The following REELD1 variants were observed in gnomAD, a reference collection of about 807,000 sequenced individuals.
The protein encoded by REELD1 is reelin domain-containing protein 1.
A neutral mutation model predicts 6.3 loss-of-function variants in REELD1; 12 were observed. The ratio of observed to expected loss-of-function variants is 1.89; its 90% confidence interval spans 1.21 to 3.07. REELD1 has a LOEUF of 3.07. REELD1 is among the 30% of genes most tolerant of loss of function. The pLI, the probability that REELD1 is intolerant of heterozygous loss-of-function variation, is 0.00. For synonymous variants in REELD1, 57 were observed against 33.6 expected (o/e 1.70, Z -2.42); for missense variants, 163 against 86.8 (o/e 1.88, Z -3.49).
Position 146,230,907 on chromosome 4 carries a change from G to GA in REELD1, c.*401dup, listed in dbSNP as rs537211052. 2.4e-3 allele frequency: 372 copies of GA among 155,244 alleles called. 1 individual carries two copies. The highest frequency in any genetic ancestry group is 8.7e-3 in the African/African-American group (362 of 41,688). The allele number at this position is 155,244 out of a possible 1,614,324, so 9.6% of individuals were successfully genotyped here. A position where few individuals can be genotyped will look rare whatever the true frequency, so the allele number is the denominator to read the frequency against. On this transcript the variant is annotated 3_prime_UTR_variant, in exon 8 of 8. Transcript: ENST00000623665. ...GTCTCATCTCTTCTAACTCTTTGGG[G>GA]AAAAAAAGTAATGTTGGGTTGTGTC...
In REELD1 at chr4:146,222,495, T is replaced by C. The variant is rs932757122; in HGVS notation, c.347T>C (p.Val116Ala). 7.5e-6 allele frequency: 3 copies of C among 398,528 alleles called. No homozygotes were observed. The highest frequency in any genetic ancestry group is 6.2e-5 in the African/African-American group (3 of 48,640). The allele number at this position is 398,528 out of a possible 1,614,324, so 24.7% of individuals were successfully genotyped here. ...LMTCFQEADAVTHSDKSLKRN... is the reference protein window; with the variant it reads ...LMTCFQEADAATHSDKSLKRN... ...ACTTGTTTTCAAGAGGCTGATGCAG[T>C]CACCCACTCTGACAAGTCCCTGAAG... Residue 116 changes from valine (V) to alanine (A), a missense_variant, in exon 4 of 8, where the codon GTC becomes GCC. By Grantham distance (64) the Val-to-Ala change is moderately conservative. Coordinates refer to ENST00000623665, the MANE Select transcript of REELD1 (RefSeq NM_001354631.1).
At chr4:146,216,432 A>G (rs1040332983) in intron 2 of REELD1, among the ~76,000 whole-genome samples, 1 of 152,212 alleles carries the variant, frequency 6.6e-6, no homozygotes, top group African/African-American at 2.4e-5. Flanking sequence ...TAAATAATTG[A>G]TAGTTGGTAG....
Position 146,231,165 on chromosome 4 carries a change from A to G in REELD1, c.*652A>G, listed in dbSNP as rs2110929102. ...CTTGATTGAACACATCTTCAGGAAA[A>G]CATATACATGCAACACAAGGCCGTA... On this transcript the variant is annotated 3_prime_UTR_variant, in exon 8 of 8. Coordinates refer to ENST00000623665, the MANE Select transcript of REELD1 (RefSeq NM_001354631.1). Among the ~76,000 whole-genome samples, 1 of 152,276 alleles carries G rather than the reference A, an allele frequency of 6.6e-6. No individual in the cohort carries two copies. The highest frequency in any genetic ancestry group is 2.1e-4 in the South Asian group (1 of 4,830).
chr4:146,230,027 C>G lies in REELD1; in HGVS notation c.1095C>G (p.Asn365Lys). Residue 365 changes from asparagine (N) to lysine (K), a missense_variant, in exon 8 of 8, where the codon AAC (asparagine) becomes AAG (lysine). Coordinates refer to ENST00000623665, the MANE Select transcript of REELD1 (RefSeq NM_001354631.1). Reference protein sequence around the residue: ...TFTGNGVRASNPIPVLQTSGT... With the variant: ...TFTGNGVRASKPIPVLQTSGT... Reference sequence around the variant, plus strand: ...CAGGGAATGGGGTCAGGGCAAGCAACCCAATCCCTGTCCTCCAGACCTCTG... The same window carrying G: ...CAGGGAATGGGGTCAGGGCAAGCAAGCCAATCCCTGTCCTCCAGACCTCTG... The G allele has an allele frequency of 2.5e-6, 1 of 398,768 alleles. No individual in the cohort carries two copies. The highest frequency in any genetic ancestry group is 4.4e-6 in the Non-Finnish European group (1 of 226,140). The allele number at this position is 398,768 out of a possible 1,614,324, so 24.7% of individuals were successfully genotyped here. A position where few individuals can be genotyped will look rare whatever the true frequency, so the allele number is the denominator to read the frequency against.
At chr4:146,217,556 A>G (rs1730849273) in intron 3 of REELD1, among the ~76,000 whole-genome samples, 1 of 152,298 alleles carries the variant, frequency 6.6e-6, no homozygotes, top group South Asian at 2.1e-4. Context: ...GCTTAATCTT[A>G]AGAAGCAATT....
At chr4:146,226,005 ATGTG>A (rs1212194102) in intron 5 of REELD1, among the ~76,000 whole-genome samples, 1 of 152,130 alleles carries the variant, frequency 6.6e-6, no homozygotes, top group Admixed American at 6.5e-5. Flanking sequence ...GCGTGTGTGC[ATGTG>A]TGTGTGTATG....
At chr4:146,218,710 C>A (rs976579261) in intron 3 of REELD1, among the ~76,000 whole-genome samples, 5 of 152,152 alleles carry the variant, frequency 3.3e-5, no homozygotes, top group Admixed American at 2.0e-4. Flanking sequence ...CACACCGGGG[C>A]AAATGCAAGA....
chr4:146,220,227 C>T (rs973416435), intron 3 of REELD1, among the ~76,000 whole-genome samples: 6 of 152,230 alleles, frequency 3.9e-5, no homozygotes, highest in East Asian at 3.8e-4. Flanking sequence ...GGGTTACAGG[C>T]GTGAGCCACC....
intron 5 of REELD1, among the ~76,000 whole-genome samples, chr4:146,225,222 C>A (rs1347390829): frequency 6.6e-6 from 1 of 152,124 alleles, no homozygotes; most frequent in Non-Finnish European, 1.5e-5. Context: ...AACCACTAGC[C>A]AGCTAGAGGC....
chr4:146,224,701 G>C (rs939545061), intron 5 of REELD1, 93 bp downstream of exon 5: 3 of 663,674 alleles, frequency 4.5e-6, no homozygotes, highest in Admixed American at 2.1e-5. Context: ...CCAGTTTCCT[G>C]TTCCTGCAAA....
intron 7 of REELD1, 49 bp from the exon 8 acceptor site, chr4:146,229,856 T>TA: frequency 2.5e-6 from 1 of 398,462 alleles, no homozygotes; most frequent in Non-Finnish European, 4.4e-6. Context: ...AGTGGCAGCT[T>TA]AGGAGGAAGA....
intron 4 of REELD1, among the ~76,000 whole-genome samples, chr4:146,223,236 T>C (rs1274298506): frequency 1.3e-5 from 2 of 152,106 alleles, no homozygotes; most frequent in Non-Finnish European, 2.9e-5. Flanking sequence ...CCCTCCTAAA[T>C]ATGAAGGAGA....
In REELD1 at chr4:146,228,508, T is replaced by C. The variant is rs1388970000; in HGVS notation, c.894T>C (p.Leu298=). The C allele has an allele frequency of 2.8e-6, 2 of 702,036 alleles. No homozygotes were observed. The highest frequency in any genetic ancestry group is 5.2e-6 in the Non-Finnish European group (2 of 384,802). The allele number at this position is 702,036 out of a possible 1,614,324, so 43.5% of individuals were successfully genotyped here. A position where few individuals can be genotyped will look rare whatever the true frequency, so the allele number is the denominator to read the frequency against. The change falls in exon 6 of 8, where the codon CTT becomes CTC. Residue 298 remains leucine (L), a synonymous_variant. Coordinates refer to ENST00000623665, the MANE Select transcript of REELD1 (RefSeq NM_001354631.1). ...CCTCAGAGAGCTTTGCTTCCAGCCTTAGCACCCATCACAGGTAAGGGTGAT... is the reference window on the plus strand; with the variant it reads ...CCTCAGAGAGCTTTGCTTCCAGCCTCAGCACCCATCACAGGTAAGGGTGAT... ...RVSSESFASS[L]STHHRTQDDP...
intron 3 of REELD1, among the ~76,000 whole-genome samples, chr4:146,217,921 C>A (rs1025877602): frequency 1.3e-5 from 2 of 152,180 alleles, no homozygotes; most frequent in African/African-American, 4.8e-5. Context: ...TAAATATATA[C>A]AATTTGACAT....
rs1347432003 is a variant in REELD1, at chr4:146,230,712, T to C, written c.*199T>C. ...TCCTGAGCTTTGTTGTCTTAACATCTGTAATTGGGCTTCCTTCTTTCTTTT... is the reference window on the plus strand; with the variant it reads ...TCCTGAGCTTTGTTGTCTTAACATCCGTAATTGGGCTTCCTTCTTTCTTTT... On this transcript the variant is annotated 3_prime_UTR_variant, in exon 8 of 8. Coordinates refer to ENST00000623665, the MANE Select transcript of REELD1 (RefSeq NM_001354631.1). 2.6e-6 allele frequency: 1 copy of C among 382,792 alleles called. No homozygotes were observed. Among genetic ancestry groups the C allele is most frequent in the Non-Finnish European group, 4.6e-6 (1 of 216,256 alleles). 23.7% of individuals were successfully genotyped at this position (382,792 alleles called of 1,614,324 possible). A position where few individuals can be genotyped will look rare whatever the true frequency, so the allele number is the denominator to read the frequency against.
intron 4 of REELD1, 137 bp from the exon 5 acceptor site, chr4:146,224,308 C>G (rs754990560): frequency 2.8e-5 from 12 of 430,654 alleles, no homozygotes; most frequent in African/African-American, 6.1e-5. Flanking sequence ...TATAATCTCT[C>G]TCTCTCATTC....
Position 146,229,886 on chromosome 4 carries a change from T to C in REELD1, c.973-19T>C. The C allele has an allele frequency of 2.5e-6, 1 of 398,630 alleles. No individual in the cohort carries two copies. The highest frequency in any genetic ancestry group is 4.4e-6 in the Non-Finnish European group (1 of 226,082). The allele number at this position is 398,630 out of a possible 1,614,324, so 24.7% of individuals were successfully genotyped here. On this transcript the variant is annotated intron_variant, in intron 7 of 7. Coordinates refer to ENST00000623665, the MANE Select transcript of REELD1 (RefSeq NM_001354631.1). ...GGAAGACCAGTACCTTTGACTCTTT[T>C]TTCCCTTTGTTTTTCTAGGACAAGA...
chr4:146,218,574 A>T (rs1283563612), intron 3 of REELD1, among the ~76,000 whole-genome samples: 1 of 152,220 alleles, frequency 6.6e-6, no homozygotes, highest in Non-Finnish European at 1.5e-5. Flanking sequence ...AGTGTGAAAA[A>T]ACATGGGTGG....
intron 6 of REELD1, 127 bp downstream of exon 6, chr4:146,228,649 A>T: frequency 1.7e-6 from 1 of 599,456 alleles, no homozygotes; most frequent in Admixed American, 2.9e-5. Context: ...AAAACCCAGG[A>T]TGTAGCAGGG....
Sources: gnomAD v4.1 joint callset for allele counts (sites outside exome capture counted in the v4.1 genomes callset) on GRCh38, gnomAD v4.1.1 for gene constraint, MANE v1.5 for transcripts, NCBI Gene and HGNC (gene_info 2026-07-23, HGNC 2026-07-21) for gene names.